The following LRP1B variants were observed in gnomAD, a reference collection of about 807,000 sequenced individuals.
LRP1B encodes the protein LDL receptor related protein 1B.
A neutral mutation model predicts 556.6 loss-of-function variants in LRP1B; 217 were observed. The observed-to-expected ratio is 0.39, with a 90% CI of 0.35 to 0.44. LRP1B has a LOEUF of 0.44. Among genes scored for constraint, LRP1B ranks in the 20% least tolerant of loss-of-function variants. The pLI is 1.00. For synonymous variants in LRP1B, 2,047 were observed against 1,865.8 expected (o/e 1.10, Z -2.50); for missense variants, 5,053 against 5,620.8 (o/e 0.90, Z 3.23).
chr2:140,918,487 T>C (rs774793838), intron 21 of LRP1B, among the ~76,000 whole-genome samples: 2 of 152,024 alleles, frequency 1.3e-5, no homozygotes, highest in Admixed American at 6.6e-5. Context: ...ATTGTAAACA[T>C]TGAAATATAT....
intron 3 of LRP1B, among the ~76,000 whole-genome samples, chr2:141,451,882 T>C (rs1210855552): frequency 2.0e-5 from 3 of 152,162 alleles, no homozygotes; most frequent in African/African-American, 7.2e-5. Flanking sequence ...TTTGCAGAGA[T>C]GACAGGAACA....
intron 60 of LRP1B, among the ~76,000 whole-genome samples, chr2:140,473,896 G>T (rs1687865066): frequency 6.6e-6 from 1 of 151,900 alleles, no homozygotes; most frequent in East Asian, 1.9e-4. Flanking sequence ...CTTTGGGGGA[G>T]ATATAACTTT....
intron 39 of LRP1B, 145 bp from the exon 40 acceptor site, chr2:140,701,990 T>C: frequency 1.5e-6 from 2 of 1,293,948 alleles, no homozygotes; most frequent in African/African-American, 3.0e-5. Context: ...CAGCTTGGAA[T>C]AGCAAGAGTA....
chr2:141,159,989 T>C (rs1405486295), intron 7 of LRP1B, among the ~76,000 whole-genome samples: 8 of 151,602 alleles, frequency 5.3e-5, no homozygotes, highest in Non-Finnish European at 1.2e-4. Context: ...CCAGGGCCTG[T>C]TGAGGGGTGG....
At chr2:141,315,426 AT>A (rs1467752057) in intron 3 of LRP1B, among the ~76,000 whole-genome samples, 2 of 151,286 alleles carry the variant, frequency 1.3e-5, no homozygotes, top group South Asian at 4.2e-4. Context: ...TGCCTGGCTA[AT>A]TTTTTGTATT....
chr2:141,162,632 G>C (rs1198932355), intron 7 of LRP1B, among the ~76,000 whole-genome samples: 4 of 151,990 alleles, frequency 2.6e-5, no homozygotes, highest in African/African-American at 9.7e-5. Context: ...AGTTTTCCCA[G>C]TGTTTGATAT....
intron 2 of LRP1B, among the ~76,000 whole-genome samples, chr2:141,654,140 T>C (rs186872484): frequency 2.0e-5 from 3 of 152,160 alleles, no homozygotes; most frequent in African/African-American, 7.2e-5. Context: ...TTATGAAAGA[T>C]GAAGCTAGAG....
chr2:140,793,602 AAATG>A (rs1199009301), intron 32 of LRP1B, among the ~76,000 whole-genome samples: 1 of 152,046 alleles, frequency 6.6e-6, no homozygotes, highest in African/African-American at 2.4e-5. Context: ...ATATTGTCAC[AAATG>A]AATGATCTTT....
intron 4 of LRP1B, among the ~76,000 whole-genome samples, chr2:141,252,555 G>A (rs1684304670): frequency 6.6e-6 from 1 of 152,152 alleles, no homozygotes; most frequent in South Asian, 2.1e-4. Flanking sequence ...GGTAAAGTCT[G>A]TCCCTGATGG....
At chr2:141,667,508 T>TA (rs1294913002) in intron 2 of LRP1B, among the ~76,000 whole-genome samples, 1 of 152,196 alleles carries the variant, frequency 6.6e-6, no homozygotes, top group Non-Finnish European at 1.5e-5. Flanking sequence ...TCCCCAAAGA[T>TA]ACTCCTGGAC....
intron 5 of LRP1B, among the ~76,000 whole-genome samples, chr2:141,230,225 G>A (rs1683408170): frequency 6.6e-6 from 1 of 152,040 alleles, no homozygotes; most frequent in Non-Finnish European, 1.5e-5. Flanking sequence ...TAACTTTTCT[G>A]CTAATTAAGA....
intron 2 of LRP1B, among the ~76,000 whole-genome samples, chr2:141,586,897 G>C (rs1010711734): frequency 2.0e-5 from 3 of 147,576 alleles, no homozygotes; most frequent in Non-Finnish European, 4.5e-5. Context: ...AGCCGAGATC[G>C]TGCCACTGCA....
At chr2:141,579,727 T>TTC (rs1041122870) in intron 2 of LRP1B, among the ~76,000 whole-genome samples, 1 of 137,600 alleles carries the variant, frequency 7.3e-6, no homozygotes, top group Non-Finnish European at 1.5e-5. Flanking sequence ...GGTTTCACTT[T>TTC]TTTTTTTTTT....
intron 7 of LRP1B, among the ~76,000 whole-genome samples, chr2:141,071,283 A>G (rs1699633512): frequency 6.6e-6 from 1 of 151,124 alleles, no homozygotes; most frequent in South Asian, 2.1e-4. Flanking sequence ...GATGCAGAAA[A>G]GGCCTTTGAC....
intron 7 of LRP1B, among the ~76,000 whole-genome samples, chr2:141,177,689 C>A: frequency 6.6e-6 from 1 of 152,168 alleles, no homozygotes; most frequent in East Asian, 1.9e-4. Flanking sequence ...GTGAAAAGAA[C>A]AAGTCCAAAA....
At chr2:141,089,049 A>G (rs1700113111) in intron 7 of LRP1B, among the ~76,000 whole-genome samples, 3 of 152,206 alleles carry the variant, frequency 2.0e-5, no homozygotes, top group South Asian at 4.1e-4. Context: ...GTAACATAAA[A>G]GACTTCCAAC....
At chr2:141,483,205 A>G (rs555766586) in intron 2 of LRP1B, among the ~76,000 whole-genome samples, 14 of 146,174 alleles carry the variant, frequency 9.6e-5, no homozygotes, top group African/African-American at 3.1e-4. Context: ...GAGTGAGAAC[A>G]TGCGGTGTTT....
At chr2:140,904,256 G>T (rs944655584) in intron 22 of LRP1B, among the ~76,000 whole-genome samples, 4 of 152,054 alleles carry the variant, frequency 2.6e-5, no homozygotes, top group Non-Finnish European at 5.9e-5. Context: ...GAAAATGGCA[G>T]ATAATTGTCT....
At chr2:142,002,142 A>T (rs891011699) in intron 1 of LRP1B, among the ~76,000 whole-genome samples, 36 of 152,184 alleles carry the variant, frequency 2.4e-4, no homozygotes, top group Non-Finnish European at 4.6e-4. Context: ...AAGATTTTTT[A>T]AAATTTAATT....
Sources: allele counts gnomAD v4.1 joint callset (sites outside exome capture counted in the v4.1 genomes callset), GRCh38; gene constraint gnomAD v4.1.1; transcripts MANE v1.5; gene names NCBI Gene and HGNC (gene_info 2026-07-23, HGNC 2026-07-21).